Variants in HCFC2 observed in about 807,000 individuals in gnomAD.
HCFC2 encodes host cell factor C2, also known as host cell factor 2.
Under a neutral mutation model 89.2 loss-of-function variants are expected in HCFC2, and 18 were observed. The ratio of observed to expected loss-of-function variants is 0.20; its 90% CI spans 0.14 to 0.30. HCFC2 has a LOEUF of 0.30. Among genes scored for constraint, HCFC2 ranks in the 10% least tolerant of loss-of-function variants. HCFC2 has a pLI of 1.00. For missense variants in HCFC2, 578 were observed against 956.1 expected (o/e 0.60, Z 5.21); for synonymous variants, 308 against 335.7 (o/e 0.92, Z 0.90).
chr12:104,067,028 T>A (rs1196395754), intron 2 of HCFC2, among the ~76,000 whole-genome samples: 1 of 152,176 alleles, frequency 6.6e-6, no homozygotes, highest in Non-Finnish European at 1.5e-5. Flanking sequence ...CCTCAGGTGA[T>A]CCACCCACCT....
chr12:104,068,591 CAATT>C lies in HCFC2; in HGVS notation c.473+486_473+489del, dbSNP rs887337012. Reference sequence around the variant, plus strand: ...TCACGCTAGCATATACTTTTACAATCAATTATTTCCTCCTTTTTCCCAAACAGAA... The same window carrying C: ...TCACGCTAGCATATACTTTTACAATCATTTCCTCCTTTTTCCCAAACAGAA... On this transcript the variant is annotated intron_variant, in intron 3 of 14. Transcript: ENST00000229330. The surrounding 1 kb of genome is among the most constrained non-coding windows in gnomAD (Gnocchi z 4.1). 6.6e-6 allele frequency among the ~76,000 whole-genome samples: 1 copy of C among 152,190 alleles called. No homozygotes were observed. Among genetic ancestry groups the C allele is most frequent in the African/African-American group, 2.4e-5 (1 of 41,462 alleles).
At position 104,082,816 on chromosome 12, in the gene HCFC2, A is replaced by C; in HGVS notation, c.978A>C (p.Arg326=). 6.2e-7 allele frequency: 1 copy of C among 1,613,994 alleles called. No individual in the cohort carries two copies. Among genetic ancestry groups the C allele is most frequent in the Non-Finnish European group, 8.5e-7 (1 of 1,179,932 alleles). ...ACTGTGCTGTTGCAATCGGCACTCGATTGTATTTTTGGAGTGGAAGAGATG... is the reference window on the plus strand; with the variant it reads ...ACTGTGCTGTTGCAATCGGCACTCGCTTGTATTTTTGGAGTGGAAGAGATG... ...AGHCAVAIGT[R]LYFWSGRDGY... is the part of the protein sequence containing the mutation. Residue 326 remains arginine, a synonymous_variant, in exon 7 of 15, where the codon CGA becomes CGC. Coordinates refer to ENST00000229330, the MANE Select transcript of HCFC2 (RefSeq NM_013320.3).
In HCFC2 at chr12:104,078,865, G is replaced by A. The variant is rs1269610866; in HGVS notation, c.474-580G>A. 2.6e-5 allele frequency among the ~76,000 whole-genome samples: 4 copies of A among 152,226 alleles called. No homozygotes were observed. In the South Asian group the frequency reaches 6.2e-4, roughly 24 times the overall value. On this transcript the variant is annotated intron_variant, in intron 3 of 14. Coordinates refer to ENST00000229330, the MANE Select transcript of HCFC2 (RefSeq NM_013320.3). ...CTATGTCTGATGCCTCAACTGCAAC[G>A]CTGAAGGACAAACTCAGCTGGTTCT...
At chr12:104,078,091 C>T (rs1320977112) in intron 3 of HCFC2, among the ~76,000 whole-genome samples, 2 of 152,222 alleles carry the variant, frequency 1.3e-5, no homozygotes, top group African/African-American at 2.4e-5. Context: ...CTCTGCCTCC[C>T]GGGTTCATGC....
intron 3 of HCFC2, among the ~76,000 whole-genome samples, chr12:104,075,791 T>G (rs1030908310): frequency 2.0e-5 from 3 of 152,238 alleles, no homozygotes; most frequent in South Asian, 2.1e-4. Context: ...TGAATGCTTT[T>G]TCTAACTTCT....
At chr12:104,071,423 T>A (rs146231204) in intron 3 of HCFC2, among the ~76,000 whole-genome samples, 1 of 152,374 alleles carries the variant, frequency 6.6e-6, no homozygotes, top group African/African-American at 2.4e-5. Context: ...TTTTAAAGCC[T>A]ATGTTTAAAG....
intron 9 of HCFC2, among the ~76,000 whole-genome samples, chr12:104,091,186 C>CTAGA: frequency 6.6e-6 from 1 of 152,326 alleles, no homozygotes; most frequent in Admixed American, 6.5e-5. Context: ...GTAGCGTAGT[C>CTAGA]TAGAGACTCA....
chr12:104,085,589 T>C (rs1325511602), intron 7 of HCFC2, among the ~76,000 whole-genome samples: 2 of 152,192 alleles, frequency 1.3e-5, no homozygotes, highest in African/African-American at 2.4e-5. Context: ...GCTTTAGATA[T>C]CAGTATTCTT....
chr12:104,067,806 G>T, intron 2 of HCFC2, 141 bp from the exon 3 acceptor site: 1 of 620,748 alleles, frequency 1.6e-6, no homozygotes, highest in Admixed American at 3.2e-5. Context: ...CTGGTTATTT[G>T]TCATTTGTCC....
At chr12:104,088,992 A>G (rs769919794) in intron 9 of HCFC2, among the ~76,000 whole-genome samples, 1 of 152,116 alleles carries the variant, frequency 6.6e-6, no homozygotes, top group African/African-American at 2.4e-5. Flanking sequence ...TTTGGTATCT[A>G]ACTATGCACA....
At chr12:104,080,891 C>A in intron 5 of HCFC2, 61 bp downstream of exon 5, 6 of 1,052,032 alleles carry the variant, frequency 5.7e-6, no homozygotes, top group Non-Finnish European at 7.1e-6. Flanking sequence ...AAGAAGCACA[C>A]AAAGAAAGTA....
chr12:104,080,319 G>A, intron 4 of HCFC2: 1 of 161,640 alleles, frequency 6.2e-6, no homozygotes, highest in Non-Finnish European at 1.3e-5. Context: ...GATATAAAAT[G>A]GTGTAGTATT....
rs1373578794 is a variant in HCFC2, at chr12:104,097,730, A to C, written c.1741-613A>C. ...ATAAGTATAATTCACTTACCACTAA[A>C]AGTAGCTTAAGGTAGAGGAAGTTTA... On this transcript the variant is annotated intron_variant, in intron 12 of 14. Coordinates refer to ENST00000229330, the MANE Select transcript of HCFC2 (RefSeq NM_013320.3). The C allele has an allele frequency of 6.1e-6, 4 of 654,566 alleles. No homozygotes were observed. The East Asian group carries it at 5.5e-4, about 89-fold the overall frequency. 40.5% of individuals were successfully genotyped at this position (654,566 alleles called of 1,614,324 possible). A position where few individuals can be genotyped will look rare whatever the true frequency, so the allele number is the denominator to read the frequency against.
intron 3 of HCFC2, among the ~76,000 whole-genome samples, chr12:104,074,036 C>T (rs1412455495): frequency 6.6e-6 from 1 of 152,156 alleles, no homozygotes; most frequent in African/African-American, 2.4e-5. Flanking sequence ...TTGTTGATTC[C>T]TGCTCTAGAC....
chr12:104,066,710 GGTC>G (rs1883159400), intron 2 of HCFC2, among the ~76,000 whole-genome samples: 1 of 152,170 alleles, frequency 6.6e-6, no homozygotes, highest in African/African-American at 2.4e-5. Flanking sequence ...CAGATTGCTG[GGTC>G]CTACCCAGAG....
In HCFC2 at chr12:104,070,452, G is replaced by T. The variant is rs530601339; in HGVS notation, c.473+2345G>T. On this transcript the variant is annotated intron_variant, in intron 3 of 14. Coordinates refer to ENST00000229330, the MANE Select transcript of HCFC2 (RefSeq NM_013320.3). Reference sequence around the variant, plus strand: ...TTGGAGATTTAGAGTCCAAAGGGCTGTTTTCTGATTCAGGTCTTATCATGT... The same window carrying T: ...TTGGAGATTTAGAGTCCAAAGGGCTTTTTTCTGATTCAGGTCTTATCATGT... 1.8e-4 allele frequency among the ~76,000 whole-genome samples: 28 copies of T among 152,296 alleles called. No homozygotes were observed. In the South Asian group the frequency reaches 5.6e-3, roughly 30 times the overall value.
intron 3 of HCFC2, among the ~76,000 whole-genome samples, chr12:104,071,015 C>T (rs1883305909): frequency 1.3e-5 from 2 of 151,922 alleles, no homozygotes; most frequent in South Asian, 4.1e-4. Context: ...ACCGTGTTAG[C>T]CAGGATGGTC....
In HCFC2 at chr12:104,066,106, C is replaced by T. The variant is rs144031018; in HGVS notation, c.164-61C>T. The T allele has an allele frequency of 8.7e-6, 13 of 1,488,694 alleles. No individual in the cohort carries two copies. The African/African-American group carries it at 1.5e-4, about 18-fold the overall frequency. 92.2% of individuals were successfully genotyped at this position (1,488,694 alleles called of 1,614,324 possible). A position where few individuals can be genotyped will look rare whatever the true frequency, so the allele number is the denominator to read the frequency against. On this transcript the variant is annotated intron_variant, in intron 1 of 14. Coordinates refer to ENST00000229330, the MANE Select transcript of HCFC2 (RefSeq NM_013320.3). ...CACTGATATTGATGATATATATTTGCTGATAGTATATGATAACCGTTGTTT... is the reference window on the plus strand; with the variant it reads ...CACTGATATTGATGATATATATTTGTTGATAGTATATGATAACCGTTGTTT...
Position 104,098,446 on chromosome 12 carries a change from A to G in HCFC2, c.1844A>G (p.Tyr615Cys). 1 of 1,609,142 alleles carries G rather than the reference A, an allele frequency of 6.2e-7. No homozygotes were observed. The highest frequency in any genetic ancestry group is 8.5e-7 in the Non-Finnish European group (1 of 1,177,968). ...AATACAGCTTTGGTGAGCCAGTTTT[A>G]TTTGCTGCCAAAAGGGAAGCAAAGC... ...KNNTALVSQF[Y>C]LLPKGKQSIS... The change falls in exon 13 of 15, where the codon TAT becomes TGT. Residue 615 changes from tyrosine to cysteine, a missense_variant. Coordinates refer to ENST00000229330, the MANE Select transcript of HCFC2 (RefSeq NM_013320.3).
Sources: allele counts gnomAD v4.1 joint callset (sites outside exome capture counted in the v4.1 genomes callset), GRCh38; gene constraint gnomAD v4.1.1; non-coding constraint Gnocchi (gnomAD v3.1); transcripts MANE v1.5; gene names NCBI Gene and HGNC (gene_info 2026-07-23, HGNC 2026-07-21).